The following TENM4 variants were observed in gnomAD, a reference collection of about 807,000 sequenced individuals.
TENM4 encodes teneurin-4.
In TENM4, 82 loss-of-function variants were observed where a neutral mutation model predicts 243.3. The observed-to-expected ratio is 0.34, with a 90% confidence interval of 0.28 to 0.40. The LOEUF (loss-of-function observed/expected upper bound fraction) is 0.40, where lower values mean the gene tolerates loss of function less well. Among genes scored for constraint, TENM4 ranks in the 10% least tolerant of loss-of-function variants. The pLI is 1.00. For missense variants in TENM4, 3,138 were observed against 3,673.3 expected (o/e 0.85, Z 3.77); for synonymous variants, 1,412 against 1,456.3 (o/e 0.97, Z 0.69).
intron 6 of TENM4, among the ~76,000 whole-genome samples, chr11:78,920,717 A>G (rs147937946): frequency 1.1e-3 from 169 of 152,344 alleles, no homozygotes; most frequent in African/African-American, 4.0e-3. Flanking sequence ...AAACAAGATT[A>G]TATATATGTG....
At chr11:79,298,286 C>T (rs557377093) in intron 1 of TENM4, among the ~76,000 whole-genome samples, 8 of 151,930 alleles carry the variant, frequency 5.3e-5, no homozygotes, top group East Asian at 3.9e-4. Flanking sequence ...GAGGCCGAGG[C>T]GGGTGGATCA....
At chr11:78,877,267 T>A (rs1460332533) in intron 9 of TENM4, among the ~76,000 whole-genome samples, 6 of 152,130 alleles carry the variant, frequency 3.9e-5, no homozygotes, top group African/African-American at 1.4e-4. Context: ...CCCTTCTTCC[T>A]TCCACCCTGC....
At chr11:79,217,132 G>A (rs541136433) in intron 2 of TENM4, among the ~76,000 whole-genome samples, 66 of 152,192 alleles carry the variant, frequency 4.3e-4, no homozygotes, top group African/African-American at 1.5e-3. Flanking sequence ...GGAGATACCC[G>A]TACAAAATAA....
At chr11:78,807,994 G>T (rs1038079484) in intron 14 of TENM4, among the ~76,000 whole-genome samples, 1 of 152,204 alleles carries the variant, frequency 6.6e-6, no homozygotes, top group African/African-American at 2.4e-5. Flanking sequence ...TTGCAAAGAG[G>T]TTATCTTCCT....
intron 6 of TENM4, among the ~76,000 whole-genome samples, chr11:78,973,746 TG>T (rs1216384930): frequency 4.0e-5 from 6 of 151,388 alleles, no homozygotes; most frequent in African/African-American, 1.5e-4. Context: ...CAAAAGTAAT[TG>T]TGGTTTTTGC....
At chr11:79,073,305 C>T (rs1045351614) in intron 4 of TENM4, among the ~76,000 whole-genome samples, 1 of 152,196 alleles carries the variant, frequency 6.6e-6, no homozygotes, top group Non-Finnish European at 1.5e-5. Context: ...GCCACTCACA[C>T]TTTCCTGGAT....
In TENM4 at chr11:79,069,840, C is replaced by T. The variant is rs1860362760; in HGVS notation, c.105G>A (p.Pro35=). 6.4e-7 allele frequency: 1 copy of T among 1,550,702 alleles called. No individual in the cohort carries two copies. Among genetic ancestry groups the T allele is most frequent in the Admixed American group, 2.0e-5 (1 of 51,014 alleles). ...TCTCGCTGGAGCTGTACGATTTCTGCGGGGCTTTGCCCTCCTCGCTGTCCG... is the reference window on the plus strand; with the variant it reads ...TCTCGCTGGAGCTGTACGATTTCTGTGGGGCTTTGCCCTCCTCGCTGTCCG... The part of the protein sequence containing the change: ...SSADSEEGKA[P]QKSYSSSETL... Residue 35 remains proline (P), a synonymous_variant, in exon 5 of 34, where the codon CCG becomes CCA. Coordinates refer to ENST00000278550, the MANE Select transcript of TENM4 (RefSeq NM_001098816.3).
chr11:78,663,024 G>A (rs2135640683), intron 32 of TENM4, among the ~76,000 whole-genome samples: 1 of 152,310 alleles, frequency 6.6e-6, no homozygotes, highest in South Asian at 2.1e-4. Flanking sequence ...CCAGAGAGCA[G>A]CTCAGCAAGG....
chr11:78,699,412 T>C (rs1859051017), intron 28 of TENM4, among the ~76,000 whole-genome samples: 1 of 152,218 alleles, frequency 6.6e-6, no homozygotes, highest in African/African-American at 2.4e-5. Flanking sequence ...GTACTTCATA[T>C]GTAAAAAATG....
At chr11:79,317,019 A>G (rs544098849) in intron 1 of TENM4, among the ~76,000 whole-genome samples, 1 of 152,242 alleles carries the variant, frequency 6.6e-6, no homozygotes, top group African/African-American at 2.4e-5. Flanking sequence ...TATTTCATTT[A>G]TACAACACTG....
At chr11:79,351,613 A>G (rs1261149002) in intron 1 of TENM4, among the ~76,000 whole-genome samples, 1 of 152,170 alleles carries the variant, frequency 6.6e-6, no homozygotes, top group Non-Finnish European at 1.5e-5. Flanking sequence ...AGGCTGAGGC[A>G]CAAGATTGCT....
chr11:79,140,396 T>C (rs1377924215), intron 4 of TENM4, among the ~76,000 whole-genome samples: 5 of 152,122 alleles, frequency 3.3e-5, no homozygotes, highest in Non-Finnish European at 7.4e-5. Context: ...CCTATTTACC[T>C]GAGTGGGTGG....
intron 3 of TENM4, among the ~76,000 whole-genome samples, chr11:79,179,527 G>A (rs1170246394): frequency 6.9e-6 from 1 of 145,648 alleles, no homozygotes; most frequent in East Asian, 1.9e-4. Flanking sequence ...GATTAAGATA[G>A]TCCATTGAAA....
At chr11:78,699,569 T>C (rs1015222373) in intron 28 of TENM4, among the ~76,000 whole-genome samples, 6 of 152,242 alleles carry the variant, frequency 3.9e-5, no homozygotes, top group African/African-American at 1.4e-4. Flanking sequence ...CCACTTCTGG[T>C]TTGTGTTAAC....
In TENM4 at chr11:79,315,943, C is replaced by T. The variant is rs7951762; in HGVS notation, c.-320-18400G>A. 2.0e-3 allele frequency among the ~76,000 whole-genome samples: 298 copies of T among 152,258 alleles called. 3 individuals carry two copies. Among genetic ancestry groups the T allele is most frequent in the African/African-American group, 6.7e-3 (280 of 41,542 alleles). On this transcript the variant is annotated intron_variant, in intron 1 of 33. Coordinates refer to ENST00000278550, the MANE Select transcript of TENM4 (RefSeq NM_001098816.3). ...TAATGCATTACTTTTCCTGCCATTACGTTTAATGGCCGAAACTGCAGTTAC... is the reference window on the plus strand; with the variant it reads ...TAATGCATTACTTTTCCTGCCATTATGTTTAATGGCCGAAACTGCAGTTAC...
chr11:78,917,811 G>C (rs1373573316), intron 6 of TENM4, among the ~76,000 whole-genome samples: 1 of 152,120 alleles, frequency 6.6e-6, no homozygotes. Flanking sequence ...GGGTGGCCTG[G>C]GTTTGAATCC....
chr11:79,210,703 C>T (rs534381960), intron 3 of TENM4, among the ~76,000 whole-genome samples: 47 of 152,258 alleles, frequency 3.1e-4, no homozygotes, highest in African/African-American at 1.1e-3. Flanking sequence ...CCAACTGCTG[C>T]GATGATGACA....
At chr11:78,752,427 C>T (rs1202101598) in intron 19 of TENM4, among the ~76,000 whole-genome samples, 3 of 152,200 alleles carry the variant, frequency 2.0e-5, no homozygotes, top group Non-Finnish European at 4.4e-5. Context: ...GTGCCTCATA[C>T]TTGAGGCTCC....
At chr11:78,948,502 T>G (rs1857050159) in intron 6 of TENM4, among the ~76,000 whole-genome samples, 1 of 151,894 alleles carries the variant, frequency 6.6e-6, no homozygotes, top group Non-Finnish European at 1.5e-5. Flanking sequence ...AGCCTCCCAG[T>G]AGCTGGACTA....
Sources: gnomAD v4.1 joint callset for allele counts (sites outside exome capture counted in the v4.1 genomes callset) on GRCh38, gnomAD v4.1.1 for gene constraint, MANE v1.5 for transcripts, NCBI Gene and HGNC (gene_info 2026-07-23, HGNC 2026-07-21) for gene names.